GRID2: variants seen among roughly 807,000 people sequenced by gnomAD.
GRID2 encodes the protein glutamate receptor ionotropic, delta-2.
A neutral mutation model predicts 114.8 loss-of-function variants in GRID2; 33 were observed. The observed-to-expected ratio is 0.29, with a 90% CI of 0.22 to 0.38. The LOEUF (loss-of-function observed/expected upper bound fraction) is 0.38. GRID2 is among the 10% of genes least tolerant of loss of function. The pLI, the probability that GRID2 is intolerant of heterozygous loss-of-function variation, is 1.00. For missense variants in GRID2, 1,184 were observed against 1,257.7 expected (o/e 0.94, Z 0.89); for synonymous variants, 505 against 449.9 (o/e 1.12, Z -1.55).
At chr4:93,651,384 G>T (rs1196050343) in intron 14 of GRID2, among the ~76,000 whole-genome samples, 1 of 152,146 alleles carries the variant, frequency 6.6e-6, no homozygotes, top group Middle Eastern at 3.2e-3. Context: ...GCTCCAAAAG[G>T]ATGTGGTCAC....
Position 92,410,224 on chromosome 4 carries a change from C to T in GRID2, c.88+105480C>T, listed in dbSNP as rs1731230600. 5.3e-5 allele frequency among the ~76,000 whole-genome samples: 8 copies of T among 152,262 alleles called. No homozygotes were observed. In the South Asian group the frequency reaches 1.7e-3, roughly 32 times the overall value. The stretch of plus-strand genomic sequence containing the variant: ...TCTTTGTGTAGTGGGGCAAACTGAA[C>T]TTCTATATGGGCACATGTTTTCATT... On this transcript the variant is annotated intron_variant, in intron 1 of 15. Transcript: ENST00000282020.
At chr4:93,395,519 C>T in intron 8 of GRID2, 88 bp from the exon 9 acceptor site, 3 of 661,170 alleles carry the variant, frequency 4.5e-6, no homozygotes, top group Non-Finnish European at 8.4e-6. Flanking sequence ...ATTCTAAGAG[C>T]TATCACATAG....
chr4:92,405,271 C>T (rs1484025209), intron 1 of GRID2, among the ~76,000 whole-genome samples: 5 of 152,098 alleles, frequency 3.3e-5, no homozygotes, highest in African/African-American at 1.2e-4. Flanking sequence ...CATGTTAATG[C>T]ATTTAAAATA....
chr4:93,526,887 T>C (rs1465601632), intron 13 of GRID2, among the ~76,000 whole-genome samples: 1 of 152,210 alleles, frequency 6.6e-6, no homozygotes, highest in Non-Finnish European at 1.5e-5. Context: ...TAGTCACACA[T>C]ATGAATACAA....
chr4:92,993,418 A>C (rs574260553), intron 2 of GRID2, among the ~76,000 whole-genome samples: 5 of 152,000 alleles, frequency 3.3e-5, no homozygotes, highest in Admixed American at 6.6e-5. Flanking sequence ...TCTGTTTCTT[A>C]CCCAATGTGA....
chr4:93,490,719 T>C lies in GRID2; in HGVS notation c.1939T>C (p.Ser647Pro). The C allele has an allele frequency of 6.2e-7, 1 of 1,610,770 alleles. No individual in the cohort carries two copies. Among genetic ancestry groups the C allele is most frequent in the Non-Finnish European group, 8.5e-7 (1 of 1,177,454 alleles). Residue 647 changes from serine (S) to proline (P), a missense_variant, in exon 12 of 16, where the codon TCT becomes CCT. Physicochemically the swap from Ser to Pro is moderately conservative, Grantham distance 74. Coordinates refer to ENST00000282020, the MANE Select transcript of GRID2 (RefSeq NM_001510.4). ...GCTATTTGCTTTGATTGTTATCTCA[T>C]CTTACACGGCAAACCTCGCTGCTTT... is the stretch of plus-strand genomic sequence containing the variant. ...WWLFALIVIS[S>P]YTANLAAFLT... is the part of the protein sequence containing the mutation.
chr4:92,943,249 C>T (rs980106501), intron 2 of GRID2, among the ~76,000 whole-genome samples: 1 of 152,176 alleles, frequency 6.6e-6, no homozygotes, highest in African/African-American at 2.4e-5. Flanking sequence ...GCCCATATTT[C>T]TTGGGGGCTT....
chr4:93,507,964 C>T (rs1169373538), intron 12 of GRID2, among the ~76,000 whole-genome samples: 3 of 151,850 alleles, frequency 2.0e-5, no homozygotes, highest in East Asian at 1.9e-4. Context: ...ACAATGAGAA[C>T]ACATGGACAC....
intron 14 of GRID2, among the ~76,000 whole-genome samples, chr4:93,687,532 A>G (rs1726179878): frequency 6.6e-6 from 1 of 152,002 alleles, no homozygotes; most frequent in African/African-American, 2.4e-5. Flanking sequence ...AGTAACAGCC[A>G]GGGAAGCAGA....
rs112839469 is a variant in GRID2 at position 93,419,989 on chromosome 4, G to A, written c.1348-2782G>A. The stretch of plus-strand genomic sequence containing the variant: ...TTCATAATTTTTTAAGTGTCATATC[G>A]AAGAGTGTTATTCAACTTCCTGGTG... On this transcript the variant is annotated intron_variant, in intron 9 of 15. Transcript: ENST00000282020. Among the ~76,000 whole-genome samples the A allele has an allele frequency of 5.5e-3, 829 of 152,042 alleles. 6 individuals are homozygous for A. Among genetic ancestry groups the A allele is most frequent in the African/African-American group, 0.019 (795 of 41,492 alleles).
At chr4:93,099,095 T>C (rs1263023533) in intron 3 of GRID2, among the ~76,000 whole-genome samples, 1 of 151,434 alleles carries the variant, frequency 6.6e-6, no homozygotes, top group Non-Finnish European at 1.5e-5. Context: ...TTTTCCATTC[T>C]TAAACCAAAT....
At chr4:93,192,523 C>T (rs563131882) in intron 4 of GRID2, among the ~76,000 whole-genome samples, 2 of 152,092 alleles carry the variant, frequency 1.3e-5, no homozygotes, top group Admixed American at 1.3e-4. Flanking sequence ...GGGCAGATTA[C>T]CTAAGGTCAG....
At chr4:93,666,468 T>C (rs1243703622) in intron 14 of GRID2, among the ~76,000 whole-genome samples, 1 of 152,074 alleles carries the variant, frequency 6.6e-6, no homozygotes, top group Admixed American at 6.6e-5. Flanking sequence ...TGGCATGTCA[T>C]TATGTTAGAT....
chr4:92,856,957 C>A (rs1744222632), intron 2 of GRID2, among the ~76,000 whole-genome samples: 1 of 152,034 alleles, frequency 6.6e-6, no homozygotes, highest in African/African-American at 2.4e-5. Flanking sequence ...TTTGGTAGTT[C>A]TCAGAATATT....
Position 93,518,002 on chromosome 4 carries a change from T to TGTATGTATATACATACATGTAC in GRID2, c.2193+2591_2193+2592insGTATGTATATACATACATGTAC, listed in dbSNP as rs1578174533. ...ACATGTATGTATATACATACATGTA[T>TGTATGTATATACATACATGTAC]ATGTATGTATATACATACATGTACA... On this transcript the variant is annotated intron_variant, in intron 13 of 15. Transcript: ENST00000282020. Among the ~76,000 whole-genome samples, 24 of 48,956 alleles carry TGTATGTATATACATACATGTAC rather than the reference T, an allele frequency of 4.9e-4. 1 individual carries two copies. The South Asian group carries it at 5.9e-3, about 12-fold the overall frequency. 32.1% of individuals were successfully genotyped at this position (48,956 alleles called of 152,430 possible).
chr4:93,029,321 A>G (rs1273575912), intron 2 of GRID2, among the ~76,000 whole-genome samples: 1 of 152,092 alleles, frequency 6.6e-6, no homozygotes, highest in Non-Finnish European at 1.5e-5. Flanking sequence ...TTAAAAATAT[A>G]TTTCTTTACC....
At chr4:92,748,910 T>A (rs1000166884) in intron 2 of GRID2, among the ~76,000 whole-genome samples, 2 of 151,900 alleles carry the variant, frequency 1.3e-5, no homozygotes, top group Non-Finnish European at 2.9e-5. Context: ...GTGATCTGCC[T>A]ACCGCAGCCT....
chr4:92,409,356 G>A (rs983978019), intron 1 of GRID2, among the ~76,000 whole-genome samples: 1 of 151,994 alleles, frequency 6.6e-6, no homozygotes, highest in Non-Finnish European at 1.5e-5. Flanking sequence ...AAGGTGTCCA[G>A]TTCAAAAAAA....
chr4:92,899,586 T>A lies in GRID2; in HGVS notation c.245-185409T>A, dbSNP rs756155598. ...TTTAATAGTCAGAGTTCTTTAATTG[T>A]TTGTTATTTTGTTTTATTCATTTAC... is the stretch of plus-strand genomic sequence containing the variant. On this transcript the variant is annotated intron_variant, in intron 2 of 15. Coordinates refer to ENST00000282020, the MANE Select transcript of GRID2 (RefSeq NM_001510.4). Among the ~76,000 whole-genome samples, 204 of 151,474 alleles carry A rather than the reference T, an allele frequency of 1.3e-3. 2 individuals are homozygous for A. Among genetic ancestry groups the A allele is most frequent in the Non-Finnish European group, 5.8e-4 (39 of 67,762 alleles).
Sources: gnomAD v4.1 joint callset for allele counts (sites outside exome capture counted in the v4.1 genomes callset) on GRCh38, gnomAD v4.1.1 for gene constraint, MANE v1.5 for transcripts, NCBI Gene and HGNC (gene_info 2026-07-23, HGNC 2026-07-21) for gene names.